The following INPP4B variants were observed in gnomAD, a reference collection of about 807,000 sequenced individuals.
INPP4B encodes the protein inositol polyphosphate 4-phosphatase type II.
Under a neutral mutation model 122.5 loss-of-function variants are expected in INPP4B, and 55 were observed. The ratio of observed to expected loss-of-function variants is 0.45; its 90% CI spans 0.36 to 0.56. The LOEUF is 0.56. Ranked by LOEUF, INPP4B falls within the 20% of genes least tolerant of loss-of-function variation. The pLI, the probability that INPP4B is intolerant of heterozygous loss-of-function variation, is 0.00. For synonymous variants in INPP4B, 403 were observed against 388.7 expected, an observed-to-expected ratio of 1.04 and a Z score of -0.43; for missense variants, 1,000 against 1,097.7, an observed-to-expected ratio of 0.91 and a Z score of 1.26.
intron 11 of INPP4B, among the ~76,000 whole-genome samples, chr4:142,247,900 G>T (rs1295526542): frequency 6.6e-6 from 1 of 152,030 alleles, no homozygotes; most frequent in Non-Finnish European, 1.5e-5. Context: ...AAAAATAATT[G>T]AGTTTTCTGT....
chr4:142,254,872 C>T (rs931261009), intron 11 of INPP4B, among the ~76,000 whole-genome samples: 2 of 151,730 alleles, frequency 1.3e-5, no homozygotes, highest in Non-Finnish European at 2.9e-5. Context: ...AGATACTCCT[C>T]GAGAAGAGCA....
intron 2 of INPP4B, chr4:142,518,719 G>GC (rs1825720157): frequency 6.6e-6 from 1 of 152,150 alleles, no homozygotes; most frequent in African/African-American, 2.4e-5. Flanking sequence ...CTGTTGCAAT[G>GC]TAAAAAAGAC....
intron 21 of INPP4B, among the ~76,000 whole-genome samples, chr4:142,121,062 T>C (rs558229702): frequency 5.3e-5 from 8 of 152,186 alleles, no homozygotes; most frequent in African/African-American, 1.9e-4. Flanking sequence ...CCCTTAAACA[T>C]TGTGATATAA....
At chr4:142,714,147 A>C (rs1443386442) in intron 2 of INPP4B, among the ~76,000 whole-genome samples, 4 of 152,216 alleles carry the variant, frequency 2.6e-5, no homozygotes, top group African/African-American at 7.2e-5. Context: ...AAAATTCAGC[A>C]TTTTCCAAAA....
intron 15 of INPP4B, among the ~76,000 whole-genome samples, chr4:142,183,979 G>C (rs149688657): frequency 1.1e-4 from 17 of 152,068 alleles, no homozygotes; most frequent in African/African-American, 3.6e-4. Context: ...GAAAATCCAA[G>C]AGTGGTTATG....
intron 7 of INPP4B, among the ~76,000 whole-genome samples, chr4:142,339,257 G>GTGCC (rs1364705486): frequency 1.3e-5 from 2 of 152,184 alleles, no homozygotes; most frequent in African/African-American, 2.4e-5. Context: ...TAATTTGCAA[G>GTGCC]TGCCGTCTGT....
chr4:142,256,887 G>A (rs1446628719), intron 11 of INPP4B, among the ~76,000 whole-genome samples: 1 of 152,098 alleles, frequency 6.6e-6, no homozygotes, highest in East Asian at 1.9e-4. Context: ...CCAAAGCTGG[G>A]CAGAGACACA....
chr4:142,551,652 G>A (rs1295044090), intron 2 of INPP4B, among the ~76,000 whole-genome samples: 2 of 152,166 alleles, frequency 1.3e-5, no homozygotes, highest in Admixed American at 6.6e-5. Flanking sequence ...TAAGTGTTGA[G>A]TTCTGTTCTG....
chr4:142,113,048 C>G (rs1318483919), intron 21 of INPP4B, among the ~76,000 whole-genome samples: 1 of 152,006 alleles, frequency 6.6e-6, no homozygotes, highest in Non-Finnish European at 1.5e-5. Context: ...ACTGCTGTTT[C>G]AATACAGTGA....
At chr4:142,042,512 GT>G (rs1748367960) in intron 25 of INPP4B, among the ~76,000 whole-genome samples, 1 of 46,296 alleles carries the variant, frequency 2.2e-5, no homozygotes. Flanking sequence ...CAATTTATGT[GT>G]GTGTGTATGT....
At chr4:142,424,584 A>C (rs1385285669) in intron 5 of INPP4B, among the ~76,000 whole-genome samples, 3 of 152,088 alleles carry the variant, frequency 2.0e-5, no homozygotes, top group African/African-American at 7.2e-5. Flanking sequence ...CCTGCTTTTA[A>C]AACTTTCATA....
intron 1 of INPP4B, among the ~76,000 whole-genome samples, chr4:142,793,117 C>CGT (rs1554010994): frequency 6.6e-6 from 1 of 151,954 alleles, no homozygotes; most frequent in Non-Finnish European, 1.5e-5. Context: ...CAATTACACA[C>CGT]GTTTATTTGT....
At chr4:142,501,628 A>G (rs867620738) in intron 2 of INPP4B, among the ~76,000 whole-genome samples, 47 of 152,222 alleles carry the variant, frequency 3.1e-4, no homozygotes, top group Middle Eastern at 3.4e-3. Context: ...TTAAGAAGAG[A>G]AAAAAGAACT....
intron 2 of INPP4B, among the ~76,000 whole-genome samples, chr4:142,513,010 T>C (rs1326113786): frequency 6.6e-6 from 1 of 152,248 alleles, no homozygotes; most frequent in Admixed American, 6.5e-5. Flanking sequence ...TTTCACATCA[T>C]ATATTAAGAA....
intron 12 of INPP4B, among the ~76,000 whole-genome samples, chr4:142,228,928 T>C (rs1190107667): frequency 4.6e-5 from 7 of 151,598 alleles, no homozygotes; most frequent in African/African-American, 1.4e-4. Flanking sequence ...TCAAAAACTA[T>C]AATTTTAAAA....
chr4:142,273,316 T>C (rs77786987), intron 9 of INPP4B, among the ~76,000 whole-genome samples: 2,047 of 152,054 alleles, frequency 0.013, 48 homozygotes, highest in African/African-American at 0.047. Context: ...TTAAATTATA[T>C]TTAATTTGAT....
intron 1 of INPP4B, among the ~76,000 whole-genome samples, chr4:142,799,382 A>G (rs1777718366): frequency 1.3e-5 from 2 of 151,872 alleles, no homozygotes; most frequent in Admixed American, 6.6e-5. Flanking sequence ...TACACTACAA[A>G]TGATCATAAT....
chr4:142,678,491 T>A (rs931775732), intron 2 of INPP4B, among the ~76,000 whole-genome samples: 1 of 151,846 alleles, frequency 6.6e-6, no homozygotes, highest in Non-Finnish European at 1.5e-5. Flanking sequence ...TTGGCCTCAT[T>A]TACTTATTTT....
chr4:142,522,933 A>T (rs1217157559), intron 2 of INPP4B, among the ~76,000 whole-genome samples: 2 of 152,158 alleles, frequency 1.3e-5, no homozygotes, highest in African/African-American at 2.4e-5. Flanking sequence ...TGGTATTGAA[A>T]TCATGTGATT....
Sources: allele counts gnomAD v4.1 joint callset (sites outside exome capture counted in the v4.1 genomes callset), GRCh38; gene constraint gnomAD v4.1.1; transcripts MANE v1.5; gene names NCBI Gene and HGNC (gene_info 2026-07-23, HGNC 2026-07-21).